The following PTPN18 variants were observed in gnomAD, a reference collection of about 807,000 sequenced individuals.
PTPN18 encodes tyrosine-protein phosphatase non-receptor type 18.
Under a neutral mutation model 65.4 loss-of-function variants are expected in PTPN18, and 65 were observed. The observed-to-expected ratio is 0.99, with a 90% CI of 0.81 to 1.22. The LOEUF (loss-of-function observed/expected upper bound fraction) is 1.22, where lower values mean the gene tolerates loss of function less well. Ranked by LOEUF, PTPN18 falls within the 50% of genes most tolerant of loss-of-function variation. PTPN18 has a pLI of 0.00. For missense variants in PTPN18, 616 were observed against 646.5 expected, an observed-to-expected ratio of 0.95 and a Z score of 0.51; for synonymous variants, 255 against 267.8, an observed-to-expected ratio of 0.95 and a Z score of 0.47.
intron 5 of PTPN18, among the ~76,000 whole-genome samples, chr2:130,364,579 G>A (rs773981204): frequency 3.8e-4 from 58 of 152,162 alleles, no homozygotes; most frequent in Admixed American, 7.9e-4. Flanking sequence ...GGCAGATCAC[G>A]AGGTCAGGAG....
Position 130,370,126 on chromosome 2 carries a change from G to A in PTPN18, c.625G>A (p.Ala209Thr), listed in dbSNP as rs200076536. 16 of 1,614,032 alleles carry A rather than the reference G, an allele frequency of 9.9e-6. No homozygotes were observed. Among genetic ancestry groups the A allele is most frequent in the East Asian group, 6.7e-5 (3 of 44,866 alleles). ...CCCCAGCAGTCCTGACCACATGCTCGCCATGGTGGAGGAAGCCCGTCGCCT... is the reference window on the plus strand; with the variant it reads ...CCCCAGCAGTCCTGACCACATGCTCACCATGGTGGAGGAAGCCCGTCGCCT... Reference protein sequence around the residue: ...GVPSSPDHMLAMVEEARRLQG... With the variant: ...GVPSSPDHMLTMVEEARRLQG... The change falls in exon 8 of 15, where the codon GCC becomes ACC. Residue 209 changes from alanine (A) to threonine (T), a missense_variant. Around this residue, in one of 3 missense-constraint regions of PTPN18, gnomAD observed 368 missense variants for 386.7 expected, o/e 0.95. Transcript: ENST00000175756.
At position 130,371,022 on chromosome 2, in the gene PTPN18, C is replaced by T. The variant is rs1424717026; in HGVS notation, c.924+58C>T. The T allele has an allele frequency of 3.8e-6, 6 of 1,562,746 alleles. No individual in the cohort carries two copies. The South Asian group carries it at 4.5e-5, about 12-fold the overall frequency. ...CCATCAGCACCCTCAGAGACCAGGA[C>T]CCCGAGCAGGGTCCAGCCCCCGGGA... On this transcript the variant is annotated intron_variant, in intron 11 of 14. Transcript: ENST00000175756.
intron 5 of PTPN18, among the ~76,000 whole-genome samples, chr2:130,367,965 T>C (rs1404050026): frequency 6.6e-6 from 1 of 152,182 alleles, no homozygotes; most frequent in African/African-American, 2.4e-5. Flanking sequence ...TCATTTTGAA[T>C]TATTTATATT....
intron 5 of PTPN18, among the ~76,000 whole-genome samples, chr2:130,367,259 G>A (rs919953093): frequency 1.3e-5 from 2 of 151,800 alleles, no homozygotes; most frequent in Non-Finnish European, 2.9e-5. Flanking sequence ...GTCTGAAAAG[G>A]TTTTCAGCAT....
At chr2:130,369,664 G>C in intron 6 of PTPN18, 101 bp from the exon 7 acceptor site, 1 of 1,248,796 alleles carries the variant, frequency 8.0e-7, no homozygotes, top group Non-Finnish European at 1.1e-6. Flanking sequence ...TTCTGTATTT[G>C]ATTTTTTAAT....
chr2:130,362,917 C>A (rs970641126), intron 5 of PTPN18, among the ~76,000 whole-genome samples: 2 of 151,784 alleles, frequency 1.3e-5, no homozygotes, highest in African/African-American at 2.4e-5. Context: ...CCTCCCGGGT[C>A]CACGCCATTC....
Position 130,375,242 on chromosome 2 carries a change from A to C in PTPN18, c.*2018A>C, listed in dbSNP as rs1389426426. On this transcript the variant is annotated 3_prime_UTR_variant, in exon 15 of 15. Coordinates refer to ENST00000175756, the MANE Select transcript of PTPN18 (RefSeq NM_014369.4). ...CTCCACAGCCCTGATAAAATCTCCAAGTCTCCCAGTTTCGGGTCCCTCTCC... is the reference window on the plus strand; with the variant it reads ...CTCCACAGCCCTGATAAAATCTCCACGTCTCCCAGTTTCGGGTCCCTCTCC... The C allele has an allele frequency of 6.5e-6, 1 of 153,266 alleles. No individual in the cohort carries two copies. The highest frequency in any genetic ancestry group is 1.5e-5 in the Non-Finnish European group (1 of 68,878). The allele number at this position is 153,266 out of a possible 1,614,324, so 9.5% of individuals were successfully genotyped here. A position where few individuals can be genotyped will look rare whatever the true frequency, so the allele number is the denominator to read the frequency against.
At position 130,369,931 on chromosome 2, in the gene PTPN18, G is replaced by T. The variant is rs1680499742; in HGVS notation, c.546+104G>T. 4.5e-6 allele frequency: 7 copies of T among 1,541,462 alleles called. No homozygotes were observed. The South Asian group carries it at 7.9e-5, about 17-fold the overall frequency. ...ACTAGTACCCACTTCCTCAGTTATT[G>T]TCTGGTAGACATAAATGGAAGATGC... On this transcript the variant is annotated intron_variant, in intron 7 of 14. Coordinates refer to ENST00000175756, the MANE Select transcript of PTPN18 (RefSeq NM_014369.4).
chr2:130,369,899 G>C, intron 7 of PTPN18, 72 bp downstream of exon 7: 1 of 1,537,724 alleles, frequency 6.5e-7, no homozygotes, highest in Non-Finnish European at 9.0e-7. Flanking sequence ...GTAAAAATGG[G>C]CATCATACTA....
chr2:130,371,014 G>C (rs370418185), intron 11 of PTPN18, 50 bp downstream of exon 11: 69 of 1,579,506 alleles, frequency 4.4e-5, no homozygotes, highest in Non-Finnish European at 5.8e-5. Flanking sequence ...CACCCTCAGA[G>C]ACCAGGACCC....
At chr2:130,370,220 G>A (rs1387523438) in intron 8 of PTPN18, 30 bp downstream of exon 8, 7 of 1,605,390 alleles carry the variant, frequency 4.4e-6, no homozygotes, top group Non-Finnish European at 5.9e-6. Context: ...GGAGGGTCTG[G>A]TGAGGCAGAG....
Position 130,369,806 on chromosome 2 carries a change from C to G in PTPN18, c.525C>G (p.Thr175=), listed in dbSNP as rs1680495775. 1 of 1,604,492 alleles carries G rather than the reference C, an allele frequency of 6.2e-7. No homozygotes were observed. Among genetic ancestry groups the G allele is most frequent in the Non-Finnish European group, 8.5e-7 (1 of 1,171,562 alleles). ...TGAATGAGGACATCATGCTCAGGAC[C>G]CTCAAGGTCACATTCCAGAAGGTAC... The part of the protein sequence containing the change: ...KWLNEDIMLR[T]LKVTFQKESR... Residue 175 remains threonine, a synonymous_variant, in exon 7 of 15, where the codon ACC becomes ACG. Coordinates refer to ENST00000175756, the MANE Select transcript of PTPN18 (RefSeq NM_014369.4).
At position 130,358,931 on chromosome 2, in the gene PTPN18, G is replaced by A. The variant is rs770850757; in HGVS notation, c.158G>A (p.Arg53Gln). Residue 53 changes from arginine to glutamine, a missense_variant, in exon 2 of 15, where the codon CGG (arginine) becomes CAG (glutamine). By Grantham distance (43) the Arg-to-Gln change is conservative. Coordinates refer to ENST00000175756, the MANE Select transcript of PTPN18 (RefSeq NM_014369.4). ...GTGTGCTCCACCGTGGCCGGCAGTC[G>A]GCCAGAGAACGTGAGGAAGAACCGC... ...DGVCSTVAGS[R>Q]PENVRKNRYK... 61 of 1,614,054 alleles carry A rather than the reference G, an allele frequency of 3.8e-5. No individual in the cohort carries two copies. The highest frequency in any genetic ancestry group is 5.5e-5 in the South Asian group (5 of 91,090).
chr2:130,360,438 T>TA, intron 5 of PTPN18, among the ~76,000 whole-genome samples: 1 of 152,322 alleles, frequency 6.6e-6, no homozygotes. Flanking sequence ...CTGGGGTGAC[T>TA]AGCTGATGGT....
At chr2:130,372,151 C>A (rs1173540286) in intron 12 of PTPN18, 106 bp from the exon 13 acceptor site, 2 of 1,122,312 alleles carry the variant, frequency 1.8e-6, no homozygotes, top group Non-Finnish European at 2.5e-6. Flanking sequence ...TCTAGCGCAC[C>A]GCCTCGGCGG....
chr2:130,371,392 C>T (rs1558847821), intron 12 of PTPN18, 105 bp downstream of exon 12: 1 of 988,286 alleles, frequency 1.0e-6, no homozygotes. Context: ...GCCAAGTGTT[C>T]GCTGGCCCTT....
At chr2:130,357,735 A>T (rs1680033635) in intron 1 of PTPN18, among the ~76,000 whole-genome samples, 1 of 151,918 alleles carries the variant, frequency 6.6e-6, no homozygotes. Flanking sequence ...GGGCGCCTGT[A>T]GTCCCAGCTA....
chr2:130,359,600 T>C lies in PTPN18; in HGVS notation c.376-8T>C, dbSNP rs896670616. On this transcript the variant is annotated splice_polypyrimidine_tract_variant and splice_region_variant and intron_variant, in intron 4 of 14. Coordinates refer to ENST00000175756, the MANE Select transcript of PTPN18 (RefSeq NM_014369.4). ...TCACCTTCCTCTCCCCTGACCCTCC[T>C]TGTCTAGGTGATCCTGATGGCCTGT... The C allele has an allele frequency of 1.9e-6, 3 of 1,614,074 alleles. No homozygotes were observed. The African/African-American group carries it at 4.0e-5, about 22-fold the overall frequency.
chr2:130,359,312 G>A lies in PTPN18; in HGVS notation c.279+3G>A. ...ACATTAATGGCAACTTCATCCGGGT[G>A]AGGGTTGGGGTCACGGAAGGAGGTG... On this transcript the variant is annotated splice_donor_region_variant and intron_variant, in intron 3 of 14. Transcript: ENST00000175756. 2 of 1,614,216 alleles carry A rather than the reference G, an allele frequency of 1.2e-6. No homozygotes were observed. The highest frequency in any genetic ancestry group is 1.7e-6 in the Non-Finnish European group (2 of 1,180,034).
Sources: allele counts gnomAD v4.1 joint callset (sites outside exome capture counted in the v4.1 genomes callset), GRCh38; gene constraint gnomAD v4.1.1; regional missense constraint gnomAD v4.1.1; transcripts MANE v1.5; gene names NCBI Gene and HGNC (gene_info 2026-07-23, HGNC 2026-07-21).